The following CD36 variants were observed in gnomAD, a reference collection of about 807,000 sequenced individuals.
CD36 encodes platelet glycoprotein 4.
In CD36, 119 loss-of-function variants were observed where a neutral mutation model predicts 55.2. The observed-to-expected ratio is 2.15, with a 90% CI of 1.86 to 2.51. The LOEUF (loss-of-function observed/expected upper bound fraction) is 2.51. CD36 is among the 30% of genes most tolerant of loss of function. CD36 has a pLI of 0.00. For missense variants in CD36, 819 were observed against 555.5 expected, an observed-to-expected ratio of 1.47 and a Z score of -4.77; for synonymous variants, 186 against 193.6, an observed-to-expected ratio of 0.96 and a Z score of 0.33.
At chr7:80,655,338 TAGA>T (rs1262480180) in intron 3 of CD36, among the ~76,000 whole-genome samples, 2 of 152,154 alleles carry the variant, frequency 1.3e-5, no homozygotes, top group Non-Finnish European at 2.9e-5. Context: ...GGAAGAAAAC[TAGA>T]AGAATATTTA....
chr7:80,609,536 A>T (rs1722506), intron 1 of CD36, among the ~76,000 whole-genome samples: 23 of 151,946 alleles, frequency 1.5e-4, no homozygotes, highest in Non-Finnish European at 2.9e-4. Context: ...GGAGCTACCT[A>T]AGCGGGGTGT....
chr7:80,670,029 C>G lies in CD36; in HGVS notation c.818+7C>G. 6.4e-7 allele frequency: 1 copy of G among 1,570,836 alleles called. No homozygotes were observed. Among genetic ancestry groups the G allele is most frequent in the South Asian group, 1.1e-5 (1 of 90,170 alleles). ...TTTCTTCTGATATTTGCAGGTAAGA[C>G]AGATACTGAAGTATAAGTATGTCTG... is the stretch of plus-strand genomic sequence containing the variant. On this transcript the variant is annotated splice_region_variant and intron_variant, in intron 9 of 14. Coordinates refer to ENST00000447544, the MANE Select transcript of CD36 (RefSeq NM_001001548.3).
At chr7:80,667,742 C>CTTTTTT (rs1554344704) in intron 8 of CD36, among the ~76,000 whole-genome samples, 4 of 92,934 alleles carry the variant, frequency 4.3e-5, no homozygotes, top group African/African-American at 1.2e-4. Flanking sequence ...CAGGGGTTTT[C>CTTTTTT]TTTTGTTTTT....
At chr7:80,645,372 G>A (rs1476882024) in intron 1 of CD36, among the ~76,000 whole-genome samples, 3 of 151,260 alleles carry the variant, frequency 2.0e-5, no homozygotes, top group African/African-American at 4.8e-5. Flanking sequence ...GGTGGCTCAC[G>A]CCTGTCATCC....
intron 1 of CD36, among the ~76,000 whole-genome samples, chr7:80,628,798 A>G (rs991850739): frequency 6.6e-6 from 1 of 152,078 alleles, no homozygotes; most frequent in African/African-American, 2.4e-5. Flanking sequence ...CAACATATGT[A>G]AGATGAACAT....
At chr7:80,675,223 T>A (rs1038455034) in intron 14 of CD36, among the ~76,000 whole-genome samples, 19 of 152,258 alleles carry the variant, frequency 1.2e-4, no homozygotes, top group African/African-American at 4.6e-4. Context: ...GTTCACATTA[T>A]AAAAAGTTAA....
intron 4 of CD36, among the ~76,000 whole-genome samples, chr7:80,659,669 GTA>G (rs964130668): frequency 2.9e-5 from 4 of 136,148 alleles, no homozygotes; most frequent in Non-Finnish European, 5.1e-5. Context: ...CCATCTACTG[GTA>G]TAATGTTGTC....
At chr7:80,673,942 C>T in intron 13 of CD36, 41 bp from the exon 14 acceptor site, 6 of 1,518,176 alleles carry the variant, frequency 4.0e-6, no homozygotes, top group Non-Finnish European at 5.5e-6. Flanking sequence ...TTTTGTTTTA[C>T]TAACGTACCC....
intron 7 of CD36, chr7:80,666,198 A>ATGTT (rs1226842218): frequency 2.1e-6 from 1 of 469,318 alleles, no homozygotes; most frequent in African/African-American, 2.0e-5. Context: ...TTATTCCAAG[A>ATGTT]TGTTTCTAAT....
intron 6 of CD36, among the ~76,000 whole-genome samples, chr7:80,663,424 A>G (rs537351616): frequency 1.3e-5 from 2 of 152,010 alleles, no homozygotes; most frequent in African/African-American, 2.4e-5. Context: ...TAAATACACA[A>G]TTTTTTTTAA....
intron 1 of CD36, among the ~76,000 whole-genome samples, chr7:80,642,647 G>A (rs986956295): frequency 6.6e-6 from 1 of 152,136 alleles, no homozygotes; most frequent in Non-Finnish European, 1.5e-5. Flanking sequence ...AAGGCACCGA[G>A]TGATAATAAA....
intron 1 of CD36, among the ~76,000 whole-genome samples, chr7:80,645,857 C>T (rs1795131137): frequency 6.6e-6 from 1 of 152,076 alleles, no homozygotes; most frequent in South Asian, 2.1e-4. Flanking sequence ...ATTCTTTATA[C>T]CTGTAGTCTA....
chr7:80,605,153 C>T (rs1335992226), intron 1 of CD36, among the ~76,000 whole-genome samples: 5 of 152,100 alleles, frequency 3.3e-5, no homozygotes, highest in Admixed American at 6.6e-5. Context: ...TAAGACTGAG[C>T]CCTCAAACAT....
In CD36 at chr7:80,664,397, A is replaced by G. The variant is rs199612042; in HGVS notation, c.610-9A>G. 7 of 1,389,128 alleles carry G rather than the reference A, an allele frequency of 5.0e-6. No individual in the cohort carries two copies. The highest frequency in any genetic ancestry group is 7.2e-6 in the Non-Finnish European group (7 of 975,138). The allele number at this position is 1,389,128 out of a possible 1,614,324, so 86.1% of individuals were successfully genotyped here. A position where few individuals can be genotyped will look rare whatever the true frequency, so the allele number is the denominator to read the frequency against. Reference sequence around the variant, plus strand: ...GTAGAAGTAACATTTTCCCATACATATATTTCAGTACAACAATACTGCAGA... The same window carrying G: ...GTAGAAGTAACATTTTCCCATACATGTATTTCAGTACAACAATACTGCAGA... On this transcript the variant is annotated splice_polypyrimidine_tract_variant and intron_variant, in intron 6 of 14. Transcript: ENST00000447544.
intron 14 of CD36, among the ~76,000 whole-genome samples, chr7:80,675,642 CTAGATTTAG>C (rs1158368780): frequency 6.6e-6 from 1 of 151,944 alleles, no homozygotes; most frequent in Non-Finnish European, 1.5e-5. Flanking sequence ...ACTTGATTTA[CTAGATTTAG>C]AAGAATCACA....
At chr7:80,642,200 C>T (rs1794864500) in intron 1 of CD36, among the ~76,000 whole-genome samples, 1 of 152,006 alleles carries the variant, frequency 6.6e-6, no homozygotes, top group Non-Finnish European at 1.5e-5. Context: ...GTATTTTAAG[C>T]AGGAAGTAAA....
chr7:80,673,963 G>GATTATTAACTTGATTA lies in CD36; in HGVS notation c.1255-19_1255-4dup, dbSNP rs759703223. 1.9e-6 allele frequency: 3 copies of GATTATTAACTTGATTA among 1,598,088 alleles called. No homozygotes were observed. In the African/African-American group the frequency reaches 4.0e-5, roughly 21 times the overall value. On this transcript the variant is annotated intron_variant, in intron 13 of 14. Coordinates refer to ENST00000447544, the MANE Select transcript of CD36 (RefSeq NM_001001548.3). ...TTTACTAACGTACCCAAATAATGTTGATTATTAACTTGATTACAGACTGGG... is the reference window on the plus strand; with the variant it reads ...TTTACTAACGTACCCAAATAATGTTGATTATTAACTTGATTAATTATTAACTTGATTACAGACTGGG...
intron 1 of CD36, among the ~76,000 whole-genome samples, chr7:80,604,650 G>T (rs1310479694): frequency 1.3e-5 from 2 of 151,688 alleles, no homozygotes; most frequent in African/African-American, 4.8e-5. Context: ...AGACAGCTTG[G>T]CTCATTCACC....
At chr7:80,665,799 A>G (rs972216441) in intron 7 of CD36, 1 of 152,170 alleles carries the variant, frequency 6.6e-6, no homozygotes, top group Non-Finnish European at 1.5e-5. Context: ...TCCATCACCA[A>G]AAAGTGAGGA....
Sources: gnomAD v4.1 joint callset for allele counts (sites outside exome capture counted in the v4.1 genomes callset) on GRCh38, gnomAD v4.1.1 for gene constraint, MANE v1.5 for transcripts, NCBI Gene and HGNC (gene_info 2026-07-23, HGNC 2026-07-21) for gene names.